The following COL4A3 variants were observed in gnomAD, a reference collection of about 807,000 sequenced individuals.
The protein encoded by COL4A3 is collagen type IV alpha 3 chain.
A neutral mutation model predicts 217.4 loss-of-function variants in COL4A3; 135 were observed. That is an observed-to-expected ratio of 0.62 (90% CI 0.54 to 0.72). COL4A3 has a LOEUF of 0.72. Ranked by LOEUF, COL4A3 falls within the 30% of genes least tolerant of loss-of-function variation. COL4A3 has a pLI of 0.00. For missense variants in COL4A3, 1,868 were observed against 2,119.9 expected (o/e 0.88, Z 2.33); for synonymous variants, 690 against 736.3 (o/e 0.94, Z 1.02).
chr2:227,261,601 G>A (rs1247387404), intron 20 of COL4A3, among the ~76,000 whole-genome samples: 1 of 152,206 alleles, frequency 6.6e-6, no homozygotes, highest in Admixed American at 6.5e-5. Context: ...GAGTGGAGCT[G>A]ATACAAACTG....
At chr2:227,246,812 T>G in intron 7 of COL4A3, 74 bp downstream of exon 7, 2 of 1,237,182 alleles carry the variant, frequency 1.6e-6, no homozygotes, top group Non-Finnish European at 2.4e-6. Flanking sequence ...TATGGCCATA[T>G]ACACAAATCC....
intron 37 of COL4A3, 30 bp from the exon 38 acceptor site, chr2:227,293,161 G>A (rs748734021): frequency 9.9e-6 from 16 of 1,613,274 alleles, no homozygotes; most frequent in Non-Finnish European, 1.3e-5. Context: ...GCTTATATGA[G>A]AATTTTAAAG....
intron 7 of COL4A3, chr2:227,246,953 T>G: frequency 3.0e-6 from 2 of 667,406 alleles, no homozygotes; most frequent in Non-Finnish European, 5.6e-6. Flanking sequence ...GACATCCAAG[T>G]GGAGATGCAT....
chr2:227,273,866 A>G (rs1341857156), intron 26 of COL4A3, among the ~76,000 whole-genome samples: 2 of 152,226 alleles, frequency 1.3e-5, no homozygotes, highest in Non-Finnish European at 2.9e-5. Context: ...TGGATTCAGG[A>G]GTGTGGCTGA....
rs770855595 is a variant in COL4A3, at chr2:227,277,462, C to G, written c.2034C>G (p.Ser678=). ...GPQGPPGIPG[S]LGKCGDPGLP... ...TTTGTTTCTAAGGTATCCCTGGATC[C>G]CTGGGGAAATGTGGAGATCCTGGTC... The change falls in exon 28 of 52, where the codon TCC becomes TCG. Residue 678 remains serine (S), a synonymous_variant. Coordinates refer to ENST00000396578, the MANE Select transcript of COL4A3 (RefSeq NM_000091.5). 2 of 1,610,488 alleles carry G rather than the reference C, an allele frequency of 1.2e-6. No individual in the cohort carries two copies. Among genetic ancestry groups the G allele is most frequent in the South Asian group, 2.2e-5 (2 of 90,138 alleles).
intron 1 of COL4A3, among the ~76,000 whole-genome samples, chr2:227,224,607 C>T (rs2067986414): frequency 6.6e-6 from 1 of 151,980 alleles, no homozygotes; most frequent in African/African-American, 2.4e-5. Flanking sequence ...AAAAAATTAG[C>T]CAGGTGAGGT....
chr2:227,283,762 C>T lies in COL4A3; in HGVS notation c.2657-5C>T, dbSNP rs2106171333. The T allele has an allele frequency of 1.2e-6, 2 of 1,613,454 alleles. No individual in the cohort carries two copies. Among genetic ancestry groups the T allele is most frequent in the South Asian group, 2.2e-5 (2 of 91,054 alleles). On this transcript the variant is annotated splice_polypyrimidine_tract_variant and splice_region_variant and intron_variant, in intron 32 of 51. Coordinates refer to ENST00000396578, the MANE Select transcript of COL4A3 (RefSeq NM_000091.5). ...GTGCTGCTTTGTGTTAATTTGTTTC[C>T]ATAGGTGAAGATGGAGTGATTGGGA...
intron 1 of COL4A3, among the ~76,000 whole-genome samples, chr2:227,231,285 TAGC>T (rs2068388712): frequency 6.6e-6 from 1 of 152,206 alleles, no homozygotes; most frequent in African/African-American, 2.4e-5. Context: ...CTCTGTGCAA[TAGC>T]AGCTCAGAGC....
chr2:227,173,308 A>G (rs560069856), intron 1 of COL4A3, among the ~76,000 whole-genome samples: 1 of 152,352 alleles, frequency 6.6e-6, no homozygotes, highest in Non-Finnish European at 1.5e-5. Flanking sequence ...TGCTCTTCCT[A>G]GCATAAAGGA....
At position 227,298,688 on chromosome 2, in the gene COL4A3, C is replaced by G; in HGVS notation, c.3758C>G (p.Pro1253Arg). The part of the protein sequence containing the change: ...PPGSRGSPGA[P>R]GPPGPPGSHV... ...AGACTTTTCATGAATTCAGGTGCGC[C>G]TGGTCCCCCTGGACCTCCAGGGAGT... Residue 1253 changes from proline to arginine, a missense_variant, in exon 43 of 52, where the codon CCT becomes CGT. This residue lies in a region of COL4A3 where 1,503 missense variants were observed against 1,786.1 expected (regional missense o/e 0.84). Transcript: ENST00000396578. 6.2e-7 allele frequency: 1 copy of G among 1,613,990 alleles called. No homozygotes were observed. Among genetic ancestry groups the G allele is most frequent in the Non-Finnish European group, 8.5e-7 (1 of 1,179,948 alleles).
At chr2:227,281,811 T>A (rs922237434) in intron 31 of COL4A3, 2 of 152,422 alleles carry the variant, frequency 1.3e-5, no homozygotes, top group African/African-American at 4.8e-5. Flanking sequence ...ATATAAAGAC[T>A]ACACTTGTAT....
rs547753564 is a variant in COL4A3 at position 227,266,398 on chromosome 2, T to C, written c.1316-19T>C. 3.8e-5 allele frequency: 61 copies of C among 1,591,478 alleles called. No individual in the cohort carries two copies. In the South Asian group the frequency reaches 6.2e-4, roughly 16 times the overall value. On this transcript the variant is annotated intron_variant, in intron 21 of 51. Transcript: ENST00000396578. ...AAAAACACAAATAAAAAATTGTCTT[T>C]GGTGCTGTATTTTTATAGGTGACAT... is the stretch of plus-strand genomic sequence containing the variant.
chr2:227,263,954 T>A lies in COL4A3; in HGVS notation c.1315+10T>A, dbSNP rs201648513. The stretch of plus-strand genomic sequence containing the variant: ...CCTCCAGGACCGCCAGGTAAAGATG[T>A]GGAAGGGGACCCCTTTTGTGCACAG... On this transcript the variant is annotated intron_variant, in intron 21 of 51. Coordinates refer to ENST00000396578, the MANE Select transcript of COL4A3 (RefSeq NM_000091.5). 3 of 1,613,874 alleles carry A rather than the reference T, an allele frequency of 1.9e-6. No homozygotes were observed. The highest frequency in any genetic ancestry group is 2.5e-6 in the Non-Finnish European group (3 of 1,179,932).
intron 25 of COL4A3, among the ~76,000 whole-genome samples, chr2:227,271,902 G>A (rs915822675): frequency 1.3e-5 from 2 of 152,182 alleles, no homozygotes; most frequent in Admixed American, 1.3e-4. Context: ...GGGCTAATCT[G>A]TGTTAGCCAA....
At chr2:227,254,474 A>G (rs1269295378) in intron 14 of COL4A3, among the ~76,000 whole-genome samples, 182 bp from the exon 15 acceptor site, 2 of 152,226 alleles carry the variant, frequency 1.3e-5, no homozygotes, top group Admixed American at 6.5e-5. Flanking sequence ...TATCTTCAGC[A>G]TCAGCTTTTT....
At chr2:227,258,905 T>A (rs2070367516) in intron 18 of COL4A3, among the ~76,000 whole-genome samples, 1 of 152,142 alleles carries the variant, frequency 6.6e-6, no homozygotes. Flanking sequence ...ATTATTAATA[T>A]AATACTTTTG....
intron 11 of COL4A3, among the ~76,000 whole-genome samples, chr2:227,252,137 T>C (rs1403677604): frequency 6.7e-6 from 1 of 150,062 alleles, no homozygotes; most frequent in African/African-American, 2.4e-5. Context: ...TGAGTGAGGC[T>C]GAGCCCCAAC....
rs1448283282 is a variant in COL4A3 at position 227,191,114 on chromosome 2, A to G, written c.87+26301A>G. On this transcript the variant is annotated intron_variant, in intron 1 of 51. Transcript: ENST00000396578. The surrounding 1 kb of genome is among the most constrained non-coding windows in gnomAD (Gnocchi z 6.8). Reference sequence around the variant, plus strand: ...AATAGACTACATAAATAATACGTATATGGCCATGGAAACAATTTTTGACAT... The same window carrying G: ...AATAGACTACATAAATAATACGTATGTGGCCATGGAAACAATTTTTGACAT... Among the ~76,000 whole-genome samples, 1 of 152,148 alleles carries G rather than the reference A, an allele frequency of 6.6e-6. No homozygotes were observed. Among genetic ancestry groups the G allele is most frequent in the Non-Finnish European group, 1.5e-5 (1 of 68,018 alleles).
intron 1 of COL4A3, among the ~76,000 whole-genome samples, chr2:227,189,248 G>A (rs1221177250): frequency 1.3e-5 from 2 of 152,208 alleles, no homozygotes; most frequent in African/African-American, 4.8e-5. Flanking sequence ...ATCTTGAGCA[G>A]ATCAGAAACA....
Sources: allele counts gnomAD v4.1 joint callset (sites outside exome capture counted in the v4.1 genomes callset), GRCh38; gene constraint gnomAD v4.1.1; regional missense constraint gnomAD v4.1.1; non-coding constraint Gnocchi (gnomAD v3.1); transcripts MANE v1.5; gene names NCBI Gene and HGNC (gene_info 2026-07-23, HGNC 2026-07-21).